TSHZ2: variants seen among roughly 807,000 people sequenced by gnomAD.
TSHZ2 encodes the protein teashirt zinc finger homeobox 2.
Under a neutral mutation model 74.4 loss-of-function variants are expected in TSHZ2, and 21 were observed. The observed-to-expected ratio is 0.28, with a 90% CI of 0.20 to 0.41. The LOEUF is 0.41. Among genes scored for constraint, TSHZ2 ranks in the 10% least tolerant of loss-of-function variants. The pLI, the probability that TSHZ2 is intolerant of heterozygous loss-of-function variation, is 1.00. For missense variants in TSHZ2, 1,244 were observed against 1,293.5 expected (o/e 0.96, Z 0.59); for synonymous variants, 540 against 515.3 (o/e 1.05, Z -0.65).
At chr20:53,093,992 T>G (rs1366670002) in intron 1 of TSHZ2, among the ~76,000 whole-genome samples, 1 of 146,720 alleles carries the variant, frequency 6.8e-6, no homozygotes, top group Admixed American at 6.8e-5. Context: ...GACTTAGTTT[T>G]TTTTTTTTTT....
intron 1 of TSHZ2, among the ~76,000 whole-genome samples, chr20:53,041,512 C>A (rs1285105269): frequency 2.0e-5 from 3 of 152,156 alleles, no homozygotes; most frequent in Non-Finnish European, 4.4e-5. Flanking sequence ...TAGGAGTCAG[C>A]CCATGTGACC....
At chr20:53,152,837 A>C (rs1171210858) in intron 1 of TSHZ2, among the ~76,000 whole-genome samples, 1 of 152,212 alleles carries the variant, frequency 6.6e-6, no homozygotes, top group Non-Finnish European at 1.5e-5. Flanking sequence ...AGAGGGAGAG[A>C]TATTCAAGTA....
At chr20:53,140,466 G>A (rs887417358) in intron 1 of TSHZ2, among the ~76,000 whole-genome samples, 8 of 149,264 alleles carry the variant, frequency 5.4e-5, no homozygotes, top group Non-Finnish European at 1.0e-4. Flanking sequence ...CATGAACCCG[G>A]GAGGCGGAGT....
At chr20:53,331,405 G>A (rs538628406) in intron 2 of TSHZ2, among the ~76,000 whole-genome samples, 4 of 152,260 alleles carry the variant, frequency 2.6e-5, no homozygotes, top group African/African-American at 9.6e-5. Context: ...CCGGGACCTG[G>A]TGGGGGCCAG....
intron 1 of TSHZ2, among the ~76,000 whole-genome samples, chr20:53,063,209 G>A (rs1057447624): frequency 2.0e-5 from 3 of 152,112 alleles, no homozygotes; most frequent in African/African-American, 7.2e-5. Context: ...ATGCAGGCTT[G>A]CCACAAACCT....
At chr20:53,097,883 C>T (rs1055724861) in intron 1 of TSHZ2, 3 of 152,252 alleles carry the variant, frequency 2.0e-5, no homozygotes, top group Admixed American at 1.3e-4. Flanking sequence ...CTCCAACATG[C>T]TCTCAAGGTC....
chr20:53,437,932 C>T (rs1374456581), intron 2 of TSHZ2, among the ~76,000 whole-genome samples: 2 of 152,162 alleles, frequency 1.3e-5, no homozygotes, highest in African/African-American at 2.4e-5. Context: ...TGGCCAGAAG[C>T]AGATGCCAGC....
intron 2 of TSHZ2, among the ~76,000 whole-genome samples, chr20:53,344,065 G>C (rs1266625486): frequency 6.6e-6 from 1 of 152,122 alleles, no homozygotes; most frequent in Non-Finnish European, 1.5e-5. Context: ...AATGGGCAAT[G>C]GTAGCCAATG....
In TSHZ2 at chr20:53,342,955, C is replaced by CTTTTTTTTTTTTTTTTTTTTTTTTT. The variant is rs1175907478; in HGVS notation, c.*8+86389_*8+86413dup. Among the ~76,000 whole-genome samples, 28 of 61,220 alleles carry CTTTTTTTTTTTTTTTTTTTTTTTTT rather than the reference C, an allele frequency of 4.6e-4. 4 individuals carry two copies. Among genetic ancestry groups the CTTTTTTTTTTTTTTTTTTTTTTTTT allele is most frequent in the African/African-American group, 9.4e-4 (14 of 14,942 alleles). The allele number at this position is 61,220 out of a possible 152,430, so 40.2% of individuals were successfully genotyped here. ...TATTTCTTTTCTTTTCTTTTCTTTT[C>CTTTTTTTTTTTTTTTTTTTTTTTTT]TTTTTTTTTTTTTTTTTTTTTTTTT... On this transcript the variant is annotated intron_variant, in intron 2 of 2. Coordinates refer to ENST00000371497, the MANE Select transcript of TSHZ2 (RefSeq NM_173485.6).
At chr20:53,091,655 G>T (rs559474669) in intron 1 of TSHZ2, among the ~76,000 whole-genome samples, 2 of 152,192 alleles carry the variant, frequency 1.3e-5, no homozygotes, top group Non-Finnish European at 2.9e-5. Flanking sequence ...AAAAGGAAAT[G>T]AGGCACTGTT....
chr20:53,305,157 C>T (rs184071715), intron 2 of TSHZ2, among the ~76,000 whole-genome samples: 1 of 151,870 alleles, frequency 6.6e-6, no homozygotes, highest in East Asian at 1.9e-4. Flanking sequence ...CCAGGATGAT[C>T]TCGGTCTCCT....
chr20:53,305,012 T>C (rs1294457462), intron 2 of TSHZ2, among the ~76,000 whole-genome samples: 1 of 151,330 alleles, frequency 6.6e-6, no homozygotes, highest in East Asian at 1.9e-4. Flanking sequence ...CTCGGCCCAC[T>C]GCAAGCTCCG....
intron 2 of TSHZ2, among the ~76,000 whole-genome samples, chr20:53,386,960 C>A (rs1375794211): frequency 2.6e-5 from 4 of 151,066 alleles, no homozygotes; most frequent in Non-Finnish European, 5.9e-5. Context: ...GATATAAATT[C>A]TTTTTCTTTC....
intron 1 of TSHZ2, among the ~76,000 whole-genome samples, chr20:53,027,704 A>C (rs6022228): frequency 3.2e-4 from 49 of 152,252 alleles, no homozygotes; most frequent in African/African-American, 1.2e-3. Flanking sequence ...AGCTGCAATA[A>C]GTTAAGATCG....
chr20:53,320,801 G>A (rs1979227620), intron 2 of TSHZ2, among the ~76,000 whole-genome samples: 1 of 152,212 alleles, frequency 6.6e-6, no homozygotes, highest in Non-Finnish European at 1.5e-5. Context: ...GAAGTAGAAG[G>A]GGTTTGGGGC....
At chr20:53,205,470 T>C (rs1009367482) in intron 1 of TSHZ2, among the ~76,000 whole-genome samples, 3 of 152,214 alleles carry the variant, frequency 2.0e-5, no homozygotes, top group African/African-American at 7.2e-5. Context: ...TGAAACACAT[T>C]TGATATGCAC....
chr20:53,083,448 G>C (rs1283925253), intron 1 of TSHZ2, among the ~76,000 whole-genome samples: 1 of 152,174 alleles, frequency 6.6e-6, no homozygotes, highest in Non-Finnish European at 1.5e-5. Flanking sequence ...CGTATAGCCA[G>C]GGTCGGTGAT....
rs149482370 is a variant in TSHZ2 at position 53,255,722 on chromosome 20, G to C, written c.2264G>C (p.Arg755Pro). 1 of 1,611,658 alleles carries C rather than the reference G, an allele frequency of 6.2e-7. No individual in the cohort carries two copies. Among genetic ancestry groups the C allele is most frequent in the South Asian group, 1.1e-5 (1 of 90,556 alleles). Residue 755 changes from arginine to proline, a missense_variant, in exon 2 of 3, where the codon CGC (arginine) becomes CCC (proline). Arg to Pro is a moderately radical substitution (Grantham distance 103). Transcript: ENST00000371497. This position sits in a 1 kb window ranked among gnomAD's most constrained non-coding sequence, Gnocchi z 4.1. ...ASTRSASVSR[R>P]YLFENSDQPI... ...ACAAGGTCAGCCAGCGTGTCCAGGC[G>C]CTACCTGTTTGAGAACAGCGATCAG...
chr20:53,081,647 A>G (rs1568750384), intron 1 of TSHZ2, among the ~76,000 whole-genome samples: 7 of 152,164 alleles, frequency 4.6e-5, no homozygotes. Flanking sequence ...TTAAGGTAAA[A>G]TACTTATTTA....
Sources: gnomAD v4.1 joint callset for allele counts (sites outside exome capture counted in the v4.1 genomes callset) on GRCh38, gnomAD v4.1.1 for gene constraint, Gnocchi (gnomAD v3.1) non-coding constraint, MANE v1.5 for transcripts, NCBI Gene and HGNC (gene_info 2026-07-23, HGNC 2026-07-21) for gene names.